CLASP1: variants seen among roughly 807,000 people sequenced by gnomAD.
CLASP1 encodes the protein cytoplasmic linker associated protein 1.
In CLASP1, 38 loss-of-function variants were observed where a neutral mutation model predicts 192.3. That is an observed-to-expected ratio of 0.20 (90% CI 0.15 to 0.26). The LOEUF (loss-of-function observed/expected upper bound fraction) is 0.26, where lower values mean the gene tolerates loss of function less well. CLASP1 is among the 10% of genes least tolerant of loss of function. The probability of loss-of-function intolerance (pLI) is 1.00; values close to 1 mark genes in which losing one functional copy is unlikely to be tolerated. For synonymous variants in CLASP1, 691 were observed against 712.8 expected (o/e 0.97, Z 0.49); for missense variants, 1,433 against 1,932.5 (o/e 0.74, Z 4.85).
intron 8 of CLASP1, among the ~76,000 whole-genome samples, chr2:121,488,637 A>C (rs185530567): frequency 8.5e-5 from 13 of 152,330 alleles, no homozygotes; most frequent in Non-Finnish European, 1.5e-4. Context: ...AAGCTGCCCT[A>C]CCTACTCCTC....
intron 21 of CLASP1, among the ~76,000 whole-genome samples, chr2:121,426,849 A>G (rs1013545430): frequency 6.6e-6 from 1 of 152,114 alleles, no homozygotes; most frequent in Non-Finnish European, 1.5e-5. Flanking sequence ...TCACACCAAT[A>G]CACTCAAATG....
intron 30 of CLASP1, among the ~76,000 whole-genome samples, chr2:121,394,252 T>G (rs1378884168): frequency 6.6e-6 from 1 of 152,218 alleles, no homozygotes; most frequent in African/African-American, 2.4e-5. Flanking sequence ...AAAGGGAGAT[T>G]ATCCTGGATG....
At chr2:121,533,149 A>G (rs1031033333) in intron 2 of CLASP1, among the ~76,000 whole-genome samples, 1 of 152,188 alleles carries the variant, frequency 6.6e-6, no homozygotes, top group African/African-American at 2.4e-5. Flanking sequence ...TCAAGTTTCA[A>G]TGCGTTGCCT....
At chr2:121,342,870 A>G (rs189080414) in intron 39 of CLASP1, among the ~76,000 whole-genome samples, 4 of 152,276 alleles carry the variant, frequency 2.6e-5, no homozygotes, top group Admixed American at 2.6e-4. Context: ...CAGGAGGTCA[A>G]GGGTGCCAGT....
chr2:121,380,899 G>A (rs1183038427), intron 33 of CLASP1, among the ~76,000 whole-genome samples: 2 of 152,214 alleles, frequency 1.3e-5, no homozygotes, highest in African/African-American at 4.8e-5. Context: ...AATGGGATGT[G>A]CTCTGGAGGG....
intron 2 of CLASP1, among the ~76,000 whole-genome samples, chr2:121,602,150 G>T (rs1399331743): frequency 6.6e-6 from 1 of 150,628 alleles, no homozygotes; most frequent in Non-Finnish European, 1.5e-5. Flanking sequence ...ACTCCAGCCT[G>T]GGCAAAAGAG....
chr2:121,516,359 T>TA (rs1249552199), intron 6 of CLASP1, among the ~76,000 whole-genome samples: 13 of 152,204 alleles, frequency 8.5e-5, no homozygotes, highest in African/African-American at 3.1e-4. Context: ...AGGGATGCCA[T>TA]ATGAGGAAGA....
chr2:121,615,019 G>A (rs774693701), intron 1 of CLASP1, among the ~76,000 whole-genome samples: 3 of 152,216 alleles, frequency 2.0e-5, no homozygotes, highest in Non-Finnish European at 4.4e-5. Context: ...TGAGCTTTGT[G>A]TTAAAATGTG....
At chr2:121,593,239 G>A (rs1037821398) in intron 2 of CLASP1, among the ~76,000 whole-genome samples, 4 of 152,038 alleles carry the variant, frequency 2.6e-5, no homozygotes, top group Admixed American at 1.3e-4. Flanking sequence ...TCAAATTGAC[G>A]AACTACACAC....
chr2:121,537,287 A>G (rs1003360928), intron 2 of CLASP1, among the ~76,000 whole-genome samples: 2 of 151,826 alleles, frequency 1.3e-5, no homozygotes, highest in African/African-American at 2.4e-5. Flanking sequence ...AGCTACTCGC[A>G]TCGCTGAGGA....
chr2:121,447,455 A>G (rs2084574988), exon 19 of CLASP1: 1 of 1,557,622 alleles, frequency 6.4e-7, no homozygotes, highest in Non-Finnish European at 8.7e-7. Context: ...TATCACTTCG[A>G]GATCGCTGGA....
chr2:121,360,736 C>G (rs974019923), intron 37 of CLASP1, among the ~76,000 whole-genome samples: 4 of 152,116 alleles, frequency 2.6e-5, no homozygotes, highest in Non-Finnish European at 4.4e-5. Flanking sequence ...GGCAATGAGT[C>G]AAGGTGAGTC....
At chr2:121,500,380 GAAAGAAAGAAAGAAAGA>G (rs1357728276) in intron 8 of CLASP1, among the ~76,000 whole-genome samples, 125 of 109,162 alleles carry the variant, frequency 1.1e-3, no homozygotes, top group African/African-American at 4.2e-3. Context: ...AAGAAAGAAA[GAAAGAAAGAAAGAAAGA>G]AAAGAAAGAA....
chr2:121,369,508 AAAAG>A (rs1367324798), intron 34 of CLASP1, among the ~76,000 whole-genome samples: 2 of 152,220 alleles, frequency 1.3e-5, no homozygotes, highest in Non-Finnish European at 2.9e-5. Context: ...AAAAAACAAA[AAAAG>A]AGAAGGGTTT....
At chr2:121,448,805 T>C (rs762067689) in intron 17 of CLASP1, 148 bp downstream of exon 17, 25 of 725,180 alleles carry the variant, frequency 3.4e-5, no homozygotes, top group Non-Finnish European at 5.2e-5. Context: ...TCCATGGTGG[T>C]ATCTTACTTT....
At chr2:121,442,481 C>CTTTTTTTTTTTTTTT (rs761873166) in intron 19 of CLASP1, among the ~76,000 whole-genome samples, 70 of 144,414 alleles carry the variant, frequency 4.8e-4, no homozygotes, top group South Asian at 1.3e-3. Context: ...AAATTTCTTT[C>CTTTTTTTTTTTTTTT]TTTTTTTTTT....
chr2:121,412,504 A>G (rs1308161613), intron 23 of CLASP1, among the ~76,000 whole-genome samples: 1 of 152,058 alleles, frequency 6.6e-6, no homozygotes, highest in Non-Finnish European at 1.5e-5. Context: ...GGTAGATAGT[A>G]GGAGACTTAT....
intron 1 of CLASP1, among the ~76,000 whole-genome samples, chr2:121,613,959 G>T (rs932718229): frequency 6.6e-6 from 1 of 152,144 alleles, no homozygotes; most frequent in Non-Finnish European, 1.5e-5. Context: ...GCAGCTGAAG[G>T]CTCTACAATG....
chr2:121,451,303 C>A (rs1435545921), intron 15 of CLASP1, among the ~76,000 whole-genome samples: 2 of 152,230 alleles, frequency 1.3e-5, no homozygotes, highest in Non-Finnish European at 2.9e-5. Context: ...ATAGCTCAAT[C>A]TTTTACGAAC....
Sources: allele counts gnomAD v4.1 joint callset (sites outside exome capture counted in the v4.1 genomes callset), GRCh38; gene constraint gnomAD v4.1.1; transcripts MANE v1.5; gene names NCBI Gene and HGNC (gene_info 2026-07-23, HGNC 2026-07-21).